CPT1C: variants seen among roughly 807,000 people sequenced by gnomAD.
CPT1C encodes the protein palmitoyl thioesterase CPT1C.
Under a neutral mutation model 97.3 loss-of-function variants are expected in CPT1C, and 61 were observed. The observed-to-expected ratio is 0.63, with a 90% CI of 0.51 to 0.78. CPT1C has a LOEUF of 0.78. Ranked by LOEUF, CPT1C falls within the 30% of genes least tolerant of loss-of-function variation. The pLI is 0.00. For missense variants in CPT1C, 975 were observed against 1,065.5 expected (o/e 0.92, Z 1.18); for synonymous variants, 469 against 447.2 (o/e 1.05, Z -0.61).
chr19:49,708,949 C>A (rs553854665), intron 14 of CPT1C, 110 bp downstream of exon 14: 6 of 705,582 alleles, frequency 8.5e-6, no homozygotes, highest in Non-Finnish European at 1.4e-5. Flanking sequence ...ATTCCTACCC[C>A]CAACCCGAAA....
chr19:49,704,680 T>G, intron 7 of CPT1C, 30 bp from the exon 8 acceptor site: 1 of 1,499,936 alleles, frequency 6.7e-7, no homozygotes, highest in Non-Finnish European at 9.2e-7. Flanking sequence ...CCCCAGCCCC[T>G]CACTGTGTGT....
chr19:49,701,286 G>A, intron 5 of CPT1C, 31 bp from the exon 6 acceptor site: 1 of 1,585,948 alleles, frequency 6.3e-7, no homozygotes, highest in Non-Finnish European at 8.6e-7. Context: ...TCCGGTGAGG[G>A]GTTAATGACC....
intron 7 of CPT1C, among the ~76,000 whole-genome samples, chr19:49,703,547 CCTTT>C (rs1266591836): frequency 7.4e-6 from 1 of 135,854 alleles, no homozygotes; most frequent in Non-Finnish European, 1.6e-5. Flanking sequence ...CCCCTCCCTC[CCTTT>C]CTGTCTCTCT....
In CPT1C at chr19:49,692,521, T is replaced by C. The variant is rs886725898; in HGVS notation, c.141+128T>C. 5.1e-6 allele frequency: 6 copies of C among 1,185,106 alleles called. No homozygotes were observed. The African/African-American group carries it at 9.2e-5, about 18-fold the overall frequency. 73.4% of individuals were successfully genotyped at this position (1,185,106 alleles called of 1,614,324 possible). A position where few individuals can be genotyped will look rare whatever the true frequency, so the allele number is the denominator to read the frequency against. On this transcript the variant is annotated intron_variant, in intron 3 of 19. Transcript: ENST00000598293. ...ACTATCACCCCTTTTTCTTAGAATT[T>C]TGATGTCTGCTCCCAGGACCCCTTT...
At chr19:49,711,482 C>A in intron 16 of CPT1C, 1 of 324,084 alleles carries the variant, frequency 3.1e-6, no homozygotes, top group South Asian at 5.2e-5. Flanking sequence ...CACCCCTGTA[C>A]CCTCTCTGCC....
intron 12 of CPT1C, 108 bp from the exon 13 acceptor site, chr19:49,707,410 G>T: frequency 1.3e-6 from 1 of 775,224 alleles, no homozygotes. Flanking sequence ...GCACCCCAAT[G>T]GATTCCCACA....
At chr19:49,698,659 T>A in intron 4 of CPT1C, among the ~76,000 whole-genome samples, 1 of 148,104 alleles carries the variant, frequency 6.8e-6, no homozygotes, top group African/African-American at 2.5e-5. Flanking sequence ...CGAGACTCTG[T>A]CTCAAAAAAA....
At position 49,708,797 on chromosome 19, in the gene CPT1C, A is replaced by G. The variant is rs181225621; in HGVS notation, c.1524A>G (p.Thr508=). The change falls in exon 14 of 20, where the codon ACA becomes ACG. Residue 508 remains threonine (T), a synonymous_variant. Coordinates refer to ENST00000598293, the MANE Select transcript of CPT1C (RefSeq NM_001199753.2). ...DGHCKGHPDP[T]LPQPQRLQWD... is the part of the protein sequence containing the mutation. ...ACTGCAAGGGGCACCCGGACCCCAC[A>G]CTACCCCAGCCCCAGCGGCTGCAAT... 1.8e-3 allele frequency: 2,866 copies of G among 1,613,852 alleles called. 77 individuals carry two copies. The Admixed American group carries it at 0.046, about 26-fold the overall frequency.
chr19:49,708,822 TGGGACCTTCC>T lies in CPT1C; in HGVS notation c.1550_1559del (p.Trp517Ter). On this transcript the variant is annotated frameshift_variant, in exon 14 of 20. Coordinates refer to ENST00000598293, the MANE Select transcript of CPT1C (RefSeq NM_001199753.2). LOFTEE classifies it high-confidence loss of function. ...ACTACCCCAGCCCCAGCGGCTGCAA[TGGGACCTTCC>T]AGACCAGGTGAGGCTGGGTTTCTGG... 6.2e-7 allele frequency: 1 copy of T among 1,612,848 alleles called. No individual in the cohort carries two copies. The highest frequency in any genetic ancestry group is 8.5e-7 in the Non-Finnish European group (1 of 1,179,108).
intron 13 of CPT1C, among the ~76,000 whole-genome samples, chr19:49,708,002 C>CAAAAAAAAAAA (rs60276067): frequency 2.1e-4 from 12 of 56,762 alleles, no homozygotes; most frequent in East Asian, 6.7e-4. Flanking sequence ...GAATACATCT[C>CAAAAAAAAAAA]AAAAAAAAAA....
Position 49,704,796 on chromosome 19 carries a change from G to C in CPT1C, c.771+9G>C. 2 of 1,613,622 alleles carry C rather than the reference G, an allele frequency of 1.2e-6. No homozygotes were observed. The highest frequency in any genetic ancestry group is 4.5e-5 in the East Asian group (2 of 44,874). On this transcript the variant is annotated intron_variant, in intron 8 of 19. Transcript: ENST00000598293. ...GCAACTATTACATGATGGTGAGAAG[G>C]GGAGGGGTGAGGTTCATAGGCCCCA... is the stretch of plus-strand genomic sequence containing the variant.
intron 15 of CPT1C, 73 bp downstream of exon 15, chr19:49,710,557 C>T (rs746468389): frequency 8.2e-6 from 13 of 1,589,216 alleles, no homozygotes; most frequent in African/African-American, 1.3e-5. Context: ...TGCCCCTCCA[C>T]GGTTCCTTGT....
rs2082334336 is a variant in CPT1C at position 49,691,346 on chromosome 19, T to C, written c.-84+6T>C. ...CGGACCCTTGATTCAACGTGGTAAGTACTGGACCCCAGGGGCTCGGGCTCC... is the reference window on the plus strand; with the variant it reads ...CGGACCCTTGATTCAACGTGGTAAGCACTGGACCCCAGGGGCTCGGGCTCC... On this transcript the variant is annotated splice_donor_region_variant and intron_variant, in intron 1 of 19. Transcript: ENST00000598293. 1 of 151,870 alleles carries C rather than the reference T, an allele frequency of 6.6e-6. No homozygotes were observed. Among genetic ancestry groups the C allele is most frequent in the African/African-American group, 2.4e-5 (1 of 41,342 alleles). 9.4% of individuals were successfully genotyped at this position (151,870 alleles called of 1,614,324 possible). A position where few individuals can be genotyped will look rare whatever the true frequency, so the allele number is the denominator to read the frequency against.
intron 7 of CPT1C, 32 bp from the exon 8 acceptor site, chr19:49,704,678 C>T (rs780478427): frequency 6.3e-7 from 1 of 1,583,982 alleles, no homozygotes; most frequent in Admixed American, 1.7e-5. Context: ...GGCCCCAGCC[C>T]CTCACTGTGT....
At chr19:49,699,257 T>G (rs545548854) in intron 4 of CPT1C, among the ~76,000 whole-genome samples, 43 of 151,728 alleles carry the variant, frequency 2.8e-4, no homozygotes, top group Non-Finnish European at 6.2e-4. Flanking sequence ...AGTTCTCGGA[T>G]GAGTCCTCCC....
Position 49,710,486 on chromosome 19 carries a change from T to C in CPT1C, c.1731+2T>C. On this transcript the variant is annotated splice_donor_variant, in intron 15 of 19. Coordinates refer to ENST00000598293, the MANE Select transcript of CPT1C (RefSeq NM_001199753.2). LOFTEE classifies it high-confidence loss of function. ...GCCTTGCAACTGGCCCACTTCCGGG[T>C]CAGTTGGGTTCCCCATCCACAGCCC... 1 of 1,614,090 alleles carries C rather than the reference T, an allele frequency of 6.2e-7. No homozygotes were observed. Among genetic ancestry groups the C allele is most frequent in the Non-Finnish European group, 8.5e-7 (1 of 1,180,022 alleles).
intron 15 of CPT1C, 30 bp downstream of exon 15, chr19:49,710,514 G>A (rs371140095): frequency 5.1e-4 from 820 of 1,613,446 alleles, no homozygotes; most frequent in Non-Finnish European, 6.6e-4. Flanking sequence ...CACAGCCCCC[G>A]CAGGGTCTCA....
intron 7 of CPT1C, among the ~76,000 whole-genome samples, chr19:49,703,433 C>T (rs2083303386): frequency 6.6e-6 from 1 of 151,274 alleles, no homozygotes. Context: ...ACCTCCTGAC[C>T]TCGTGATCCG....
intron 15 of CPT1C, 48 bp downstream of exon 15, chr19:49,710,532 T>G: frequency 3.7e-6 from 6 of 1,611,134 alleles, no homozygotes; most frequent in Non-Finnish European, 3.4e-6. Flanking sequence ...TCAGTCCACC[T>G]GAGCCCCCAA....
Sources: gnomAD v4.1 joint callset for allele counts (sites outside exome capture counted in the v4.1 genomes callset) on GRCh38, gnomAD v4.1.1 for gene constraint, MANE v1.5 for transcripts, NCBI Gene and HGNC (gene_info 2026-07-23, HGNC 2026-07-21) for gene names.